NAA40: variants seen among roughly 807,000 people sequenced by gnomAD.
NAA40 encodes N-alpha-acetyltransferase 40.
In NAA40, 26 loss-of-function variants were observed where a neutral mutation model predicts 36.6. The ratio of observed to expected loss-of-function variants is 0.71; its 90% CI spans 0.52 to 0.98. The LOEUF (loss-of-function observed/expected upper bound fraction) is 0.98, where lower values mean the gene tolerates loss of function less well. Among genes scored for constraint, NAA40 ranks in the 50% least tolerant of loss-of-function variants. NAA40 has a pLI of 0.00. For synonymous variants in NAA40, 129 were observed against 108.4 expected, an observed-to-expected ratio of 1.19 and a Z score of -1.18; for missense variants, 237 against 306.5, an observed-to-expected ratio of 0.77 and a Z score of 1.69.
chr11:63,939,439 C>A, intron 1 of NAA40: 1 of 1,105,992 alleles, frequency 9.0e-7, no homozygotes, highest in Non-Finnish European at 1.1e-6. Context: ...GGTCACTCAT[C>A]ACCTGGCTGT....
rs1458947977 is a variant in NAA40, at chr11:63,954,327, C to T, written c.573-11C>T. ...CCTGCCACCAACCCTTTTCTCCTGC[C>T]TGCCTTGCAGATTTGAAATTGATGA... On this transcript the variant is annotated splice_polypyrimidine_tract_variant and intron_variant, in intron 7 of 7. Coordinates refer to ENST00000377793, the MANE Select transcript of NAA40 (RefSeq NM_024771.4). The T allele has an allele frequency of 1.9e-6, 3 of 1,577,098 alleles. No individual in the cohort carries two copies. Among genetic ancestry groups the T allele is most frequent in the African/African-American group, 2.7e-5 (2 of 73,814 alleles).
In NAA40 at chr11:63,950,608, A is replaced by AC. The variant is rs920070432; in HGVS notation, c.156-1624dup. On this transcript the variant is annotated intron_variant, in intron 3 of 7. Coordinates refer to ENST00000377793, the MANE Select transcript of NAA40 (RefSeq NM_024771.4). Reference sequence around the variant, plus strand: ...CGCCGGAGTAGCTGGGATTACAGGCACCCCCCACCACGCCCGGCTAATTTT... The same window carrying AC: ...CGCCGGAGTAGCTGGGATTACAGGCACCCCCCCACCACGCCCGGCTAATTTT... Among the ~76,000 whole-genome samples, 4 of 150,294 alleles carry AC rather than the reference A, an allele frequency of 2.7e-5. No individual in the cohort carries two copies. In the South Asian group the frequency reaches 6.3e-4, roughly 24 times the overall value.
chr11:63,954,089 G>T (rs781721163), intron 7 of NAA40, 40 bp downstream of exon 7: 2 of 1,595,732 alleles, frequency 1.3e-6, no homozygotes, highest in South Asian at 2.2e-5. Flanking sequence ...TGGTAGGTGG[G>T]CCTGCCCAGG....
In NAA40 at chr11:63,955,631, AG is replaced by A. The variant is rs1470459014; in HGVS notation, c.*1154del. 1.3e-5 allele frequency: 2 copies of A among 152,612 alleles called. No homozygotes were observed. The highest frequency in any genetic ancestry group is 4.8e-5 in the African/African-American group (2 of 41,458). The allele number at this position is 152,612 out of a possible 1,614,324, so 9.5% of individuals were successfully genotyped here. ...CCGTGGCCCAGCCGGGCCATAGCTC[AG>A]GCTGCAGCAGAAATGCCTCTCAGTG... On this transcript the variant is annotated 3_prime_UTR_variant, in exon 8 of 8. Coordinates refer to ENST00000377793, the MANE Select transcript of NAA40 (RefSeq NM_024771.4).
rs79684020 is a variant in NAA40, at chr11:63,950,934, G to A, written c.156-1304G>A. Among the ~76,000 whole-genome samples the A allele has an allele frequency of 2.0e-3, 306 of 152,296 alleles. 9 individuals are homozygous for A. The East Asian group carries it at 0.045, about 22-fold the overall frequency. ...AATGGAGAATTCGTACCTGCAGGTG[G>A]GCTTTGGACATTTTATAGTTAAGAT... On this transcript the variant is annotated intron_variant, in intron 3 of 7. Coordinates refer to ENST00000377793, the MANE Select transcript of NAA40 (RefSeq NM_024771.4).
chr11:63,947,732 T>TTG lies in NAA40; in HGVS notation c.155+730_155+731insGT, dbSNP rs1484869248. Among the ~76,000 whole-genome samples, 35 of 147,582 alleles carry TTG rather than the reference T, an allele frequency of 2.4e-4. 1 individual carries two copies. Among genetic ancestry groups the TTG allele is most frequent in the Admixed American group, 2.2e-3 (33 of 14,840 alleles). ...CACCTCACTAATTTTTGTGGGTTTT[T>TTG]TTTTTTTTTTTTGAGACGGAGTCTC... On this transcript the variant is annotated intron_variant, in intron 3 of 7. Transcript: ENST00000377793.
intron 5 of NAA40, 28 bp from the exon 6 acceptor site, chr11:63,952,728 C>T (rs772701587): frequency 2.0e-5 from 32 of 1,613,018 alleles, no homozygotes; most frequent in South Asian, 7.7e-5. Context: ...CCATCCTGCA[C>T]GCTCACCTCT....
Position 63,945,829 on chromosome 11 carries a change from C to T in NAA40, c.7-11C>T, listed in dbSNP as rs372428081. ...AGCCATTCCAGCTAACGTTGCTTTTCCCTGTTGCAGAGAAAGTCAAGCAAA... is the reference window on the plus strand; with the variant it reads ...AGCCATTCCAGCTAACGTTGCTTTTTCCTGTTGCAGAGAAAGTCAAGCAAA... On this transcript the variant is annotated splice_polypyrimidine_tract_variant and intron_variant, in intron 1 of 7. Coordinates refer to ENST00000377793, the MANE Select transcript of NAA40 (RefSeq NM_024771.4). 7.4e-6 allele frequency: 12 copies of T among 1,613,228 alleles called. No homozygotes were observed. The African/African-American group carries it at 1.1e-4, about 14-fold the overall frequency.
chr11:63,946,880 C>T lies in NAA40; in HGVS notation c.103-71C>T. 11 of 1,604,630 alleles carry T rather than the reference C, an allele frequency of 6.9e-6. No homozygotes were observed. The South Asian group carries it at 1.1e-4, about 16-fold the overall frequency. On this transcript the variant is annotated intron_variant, in intron 2 of 7. Coordinates refer to ENST00000377793, the MANE Select transcript of NAA40 (RefSeq NM_024771.4). ...CCCACAGCATCCCACTCCAAGACAA[C>T]AGCTCTTGGGATAGGATCTGCACCT...
chr11:63,946,055 C>A, intron 2 of NAA40, 120 bp downstream of exon 2: 2 of 850,516 alleles, frequency 2.4e-6, no homozygotes, highest in Non-Finnish European at 3.8e-6. Context: ...ACCGCCTCTG[C>A]CTCCTTGCTG....
At chr11:63,948,047 G>A (rs1251793409) in intron 3 of NAA40, among the ~76,000 whole-genome samples, 1 of 151,852 alleles carries the variant, frequency 6.6e-6, no homozygotes, top group African/African-American at 2.4e-5. Context: ...TAGAGATGGG[G>A]TTTCACCATG....
At chr11:63,949,315 AT>A (rs1193155851) in intron 3 of NAA40, among the ~76,000 whole-genome samples, 1 of 152,112 alleles carries the variant, frequency 6.6e-6, no homozygotes, top group Non-Finnish European at 1.5e-5. Flanking sequence ...GTTTGCTGTT[AT>A]TTTATTTTAA....
At chr11:63,945,704 G>A (rs957206389) in intron 1 of NAA40, 136 bp from the exon 2 acceptor site, 7 of 751,900 alleles carry the variant, frequency 9.3e-6, no homozygotes, top group African/African-American at 3.4e-5. Flanking sequence ...CCCTCCAAAT[G>A]TGTGGCAGCA....
intron 5 of NAA40, 34 bp from the exon 6 acceptor site, chr11:63,952,722 C>G: frequency 6.2e-7 from 1 of 1,612,242 alleles, no homozygotes; most frequent in South Asian, 1.1e-5. Context: ...CATGTCCCAT[C>G]CTGCACGCTC....
Position 63,957,208 on chromosome 11 carries a change from A to ATT in NAA40, c.*2730_*2731insTT, listed in dbSNP as rs1221558342. The ATT allele has an allele frequency of 9.3e-4, 51 of 54,826 alleles. No homozygotes were observed. The highest frequency in any genetic ancestry group is 2.5e-3 in the African/African-American group (46 of 18,426). 3.4% of individuals were successfully genotyped at this position (54,826 alleles called of 1,614,324 possible). ...AACTCCTTGATATATATATATATAT[A>ATT]TATATTTTTTTTTTTCTTTAGCAGC... On this transcript the variant is annotated 3_prime_UTR_variant, in exon 8 of 8. Coordinates refer to ENST00000377793, the MANE Select transcript of NAA40 (RefSeq NM_024771.4).
rs556559510 is a variant in NAA40, at chr11:63,950,241, C to T, written c.156-1997C>T. On this transcript the variant is annotated intron_variant, in intron 3 of 7. Transcript: ENST00000377793. ...TCAAGTGATTCTCCTGCCTCTACCTCCTGAGTAGCTGGGACTGCAAGTACA... is the reference window on the plus strand; with the variant it reads ...TCAAGTGATTCTCCTGCCTCTACCTTCTGAGTAGCTGGGACTGCAAGTACA... Among the ~76,000 whole-genome samples the T allele has an allele frequency of 1.9e-3, 288 of 151,596 alleles. 2 individuals carry two copies. The highest frequency in any genetic ancestry group is 3.3e-3 in the Non-Finnish European group (221 of 67,950).
At chr11:63,954,104 T>C in intron 7 of NAA40, 55 bp downstream of exon 7, 1 of 1,558,388 alleles carries the variant, frequency 6.4e-7, no homozygotes, top group Non-Finnish European at 8.8e-7. Flanking sequence ...CCCAGGGCCA[T>C]TTTTCTGGTC....
intron 1 of NAA40, among the ~76,000 whole-genome samples, chr11:63,944,902 CAAA>C (rs113133922): frequency 4.0e-5 from 5 of 126,094 alleles, no homozygotes; most frequent in Non-Finnish European, 6.5e-5. Flanking sequence ...GACTCCATCT[CAAA>C]AAAAAAAAAA....
Position 63,939,117 on chromosome 11 carries a change from G to C in NAA40, c.6+15G>C, listed in dbSNP as rs553550359. ...CCGCTATGGGGGTGAGTGAGGCAGA[G>C]AGAGGAGATGGGAGGTCCAGGGGCG... On this transcript the variant is annotated intron_variant, in intron 1 of 7. Coordinates refer to ENST00000377793, the MANE Select transcript of NAA40 (RefSeq NM_024771.4). 8.1e-6 allele frequency: 13 copies of C among 1,604,682 alleles called. No homozygotes were observed. The African/African-American group carries it at 1.5e-4, about 19-fold the overall frequency.
Sources: allele counts gnomAD v4.1 joint callset (sites outside exome capture counted in the v4.1 genomes callset), GRCh38; gene constraint gnomAD v4.1.1; transcripts MANE v1.5; gene names NCBI Gene and HGNC (gene_info 2026-07-23, HGNC 2026-07-21).